Variants in PSPN observed in about 807,000 individuals in gnomAD.
PSPN encodes persephin.
A neutral mutation model predicts 9.4 loss-of-function variants in PSPN; 12 were observed. The observed-to-expected ratio is 1.28, with a 90% confidence interval of 0.82 to 2.07. The LOEUF is 2.07. Ranked by LOEUF, PSPN falls within the 30% of genes most tolerant of loss-of-function variation. PSPN has a pLI of 0.00. For missense variants in PSPN, 229 were observed against 227.4 expected (o/e 1.01, Z -0.05); for synonymous variants, 115 against 106.4 (o/e 1.08, Z -0.50).
chr19:6,375,807 A>T lies in PSPN; in HGVS notation c.43T>A (p.Ser15Thr). 1 of 1,613,980 alleles carries T rather than the reference A, an allele frequency of 6.2e-7. No individual in the cohort carries two copies. Among genetic ancestry groups the T allele is most frequent in the Non-Finnish European group, 8.5e-7 (1 of 1,179,962 alleles). The part of the protein sequence containing the change: ...KFLLGSLLLL[S>T]LQLGQGWGPD... ...CCCCAGCCCTGTCCCAGCTGCAGGG[A>T]CAGGAGCAGCAGGGAGCCCAGCAGG... Residue 15 changes from serine to threonine, a missense_variant, in exon 1 of 2, where the codon TCC (serine) becomes ACC (threonine). By Grantham distance (58) the Ser-to-Thr change is moderately conservative. Coordinates refer to ENST00000245810, the MANE Select transcript of PSPN (RefSeq NM_004158.5).
rs1361569052 is a variant in PSPN, at chr19:6,375,870, AGT to A, written c.-23_-22del. ...GCCATTGTGACGGGCAGGTCCTGAG[AGT>A]GGGAGCTGTGCCCCAAATTTATGCC... is the stretch of plus-strand genomic sequence containing the variant. On this transcript the variant is annotated 5_prime_UTR_variant, in exon 1 of 2. Coordinates refer to ENST00000245810, the MANE Select transcript of PSPN (RefSeq NM_004158.5). 3 of 1,613,888 alleles carry A rather than the reference AGT, an allele frequency of 1.9e-6. No individual in the cohort carries two copies. Among genetic ancestry groups the A allele is most frequent in the South Asian group, 1.1e-5 (1 of 91,078 alleles).
Position 6,375,185 on chromosome 19 carries a change from G to A in PSPN, c.*109C>T. ...GTGTCCTTTATTGCACTCACTGCTG[G>A]TCGCCCCAGCCCACTCCCCTCCTCG... On this transcript the variant is annotated 3_prime_UTR_variant, in exon 2 of 2. Coordinates refer to ENST00000245810, the MANE Select transcript of PSPN (RefSeq NM_004158.5). The A allele has an allele frequency of 1.5e-6, 2 of 1,317,700 alleles. No individual in the cohort carries two copies. Among genetic ancestry groups the A allele is most frequent in the Non-Finnish European group, 2.0e-6 (2 of 1,007,120 alleles). 81.6% of individuals were successfully genotyped at this position (1,317,700 alleles called of 1,614,324 possible).
rs758421227 is a variant in PSPN, at chr19:6,375,888, A to G, written c.-39T>C. The G allele has an allele frequency of 2.7e-5, 44 of 1,613,144 alleles. No homozygotes were observed. Among genetic ancestry groups the G allele is most frequent in the African/African-American group, 4.0e-5 (3 of 74,822 alleles). ...TCCTGAGAGTGGGAGCTGTGCCCCA[A>G]ATTTATGCCCTGCCTGGGCTGGGAG... On this transcript the variant is annotated 5_prime_UTR_variant, in exon 1 of 2. Transcript: ENST00000245810.
Position 6,375,713 on chromosome 19 carries a change from C to T in PSPN, c.137G>A (p.Gly46Glu), listed in dbSNP as rs1243931432. Residue 46 changes from glycine to glutamate, a missense_variant, in exon 1 of 2, where the codon GGG (glycine) becomes GAG (glutamate). By Grantham distance (98) the Gly-to-Glu change is moderately conservative. Coordinates refer to ENST00000245810, the MANE Select transcript of PSPN (RefSeq NM_004158.5). ...FSSEQVAKAG[G>E]TWLGTHRPLA... ...CTGGAAGTCCTTACCCAGCCAGGTC[C>T]CTCCAGCCTTTGCCACCTGTTCAGA... 2 of 1,613,864 alleles carry T rather than the reference C, an allele frequency of 1.2e-6. No homozygotes were observed. The highest frequency in any genetic ancestry group is 1.1e-5 in the South Asian group (1 of 91,030).
At position 6,375,813 on chromosome 19, in the gene PSPN, G is replaced by A. The variant is rs1245343095; in HGVS notation, c.37C>T (p.Leu13Phe). 1.9e-6 allele frequency: 3 copies of A among 1,613,984 alleles called. No homozygotes were observed. The highest frequency in any genetic ancestry group is 2.5e-6 in the Non-Finnish European group (3 of 1,180,006). The stretch of plus-strand genomic sequence containing the variant: ...CCCTGTCCCAGCTGCAGGGACAGGA[G>A]CAGCAGGGAGCCCAGCAGGAACTTC... ...VGKFLLGSLL[L>F]LSLQLGQGWG... Residue 13 changes from leucine (L) to phenylalanine (F), a missense_variant, in exon 1 of 2, where the codon CTC (leucine) becomes TTC (phenylalanine). Physicochemically the swap from Leu to Phe is conservative, Grantham distance 22. Coordinates refer to ENST00000245810, the MANE Select transcript of PSPN (RefSeq NM_004158.5).
chr19:6,375,209 C>T lies in PSPN; in HGVS notation c.*85G>A, dbSNP rs958345376. 76 of 1,361,864 alleles carry T rather than the reference C, an allele frequency of 5.6e-5. 1 individual carries two copies. In the South Asian group the frequency reaches 7.0e-4, roughly 13 times the overall value. The allele number at this position is 1,361,864 out of a possible 1,614,324, so 84.4% of individuals were successfully genotyped here. On this transcript the variant is annotated 3_prime_UTR_variant, in exon 2 of 2. Coordinates refer to ENST00000245810, the MANE Select transcript of PSPN (RefSeq NM_004158.5). Reference sequence around the variant, plus strand: ...GGTCGCCCCAGCCCACTCCCCTCCTCGTTGTCTCTGCATCCAGGTCTCCAA... The same window carrying T: ...GGTCGCCCCAGCCCACTCCCCTCCTTGTTGTCTCTGCATCCAGGTCTCCAA...
chr19:6,375,605 G>T lies in PSPN; in HGVS notation c.160C>A (p.Pro54Thr). ...AGGGCTCGGCGCAGGCGGGCAAGGG[G>T]GCGGTGGGTGCCTGTGGGAGGGAAG... ...AGGTWLGTHR[P>T]LARLRRALSG... is the part of the protein sequence containing the mutation. Residue 54 changes from proline (P) to threonine (T), a missense_variant, in exon 2 of 2, where the codon CCC becomes ACC. By Grantham distance (38) the Pro-to-Thr change is conservative. Transcript: ENST00000245810. The T allele has an allele frequency of 6.3e-7, 1 of 1,585,242 alleles. No homozygotes were observed. Among genetic ancestry groups the T allele is most frequent in the South Asian group, 1.1e-5 (1 of 87,914 alleles).
Position 6,375,328 on chromosome 19 carries a change from TG to T in PSPN, c.436del (p.Gln146SerfsTer51). On this transcript the variant is annotated frameshift_variant, in exon 2 of 2. Coordinates refer to ENST00000245810, the MANE Select transcript of PSPN (RefSeq NM_004158.5). LOFTEE classifies it high-confidence loss of function. ...ACAGCCGCAGGCAGCCGCCGAGAGC[TG>T]GGGCAGCCGCTGCCAGCGGTGGCGG... is the stretch of plus-strand genomic sequence containing the variant. ...DDRHRWQRLP[Q>X]LSAAACGCGG 6.9e-7 allele frequency: 1 copy of T among 1,441,826 alleles called. No homozygotes were observed. The highest frequency in any genetic ancestry group is 3.0e-5 in the Admixed American group (1 of 32,894). The allele number at this position is 1,441,826 out of a possible 1,614,324, so 89.3% of individuals were successfully genotyped here.
At position 6,375,410 on chromosome 19, in the gene PSPN, G is replaced by A; in HGVS notation, c.355C>T (p.His119Tyr). The A allele has an allele frequency of 6.6e-7, 1 of 1,512,396 alleles. No homozygotes were observed. Among genetic ancestry groups the A allele is most frequent in the Non-Finnish European group, 8.8e-7 (1 of 1,134,668 alleles). 93.7% of individuals were successfully genotyped at this position (1,512,396 alleles called of 1,614,324 possible). The change falls in exon 2 of 2, where the codon CAC (histidine) becomes TAC (tyrosine). Residue 119 changes from histidine (H) to tyrosine (Y), a missense_variant. By Grantham distance (83) the His-to-Tyr change is moderately conservative. Coordinates refer to ENST00000245810, the MANE Select transcript of PSPN (RefSeq NM_004158.5). Reference protein sequence around the residue: ...LARLQGQGRAHGGPCCRPTRY... With the variant: ...LARLQGQGRAYGGPCCRPTRY... ...GTGGGCCGGCAGCAGGGCCCGCCGT[G>A]GGCTCGGCCCTGGCCCTGCAGCCGG... is the stretch of plus-strand genomic sequence containing the variant.
At position 6,375,438 on chromosome 19, in the gene PSPN, C is replaced by T. The variant is rs1404142581; in HGVS notation, c.327G>A (p.Leu109=). Residue 109 remains leucine, a synonymous_variant, in exon 2 of 2, where the codon CTG becomes CTA. Transcript: ENST00000245810. ...RGARTQHGLA[L]ARLQGQGRAH... is the part of the protein sequence containing the mutation. ...CTCGGCCCTGGCCCTGCAGCCGGGCCAGCGCCAGGCCATGCTGGGTGCGGG... is the reference window on the plus strand; with the variant it reads ...CTCGGCCCTGGCCCTGCAGCCGGGCTAGCGCCAGGCCATGCTGGGTGCGGG... 1.9e-6 allele frequency: 3 copies of T among 1,543,904 alleles called. No individual in the cohort carries two copies. The highest frequency in any genetic ancestry group is 2.0e-5 in the Admixed American group (1 of 50,138).
rs1404689837 is a variant in PSPN, at chr19:6,375,267, A to G, written c.*27T>C. On this transcript the variant is annotated 3_prime_UTR_variant, in exon 2 of 2. Transcript: ENST00000245810. ...GTCAGCCGAGCTCCCCCAGCACTGC[A>G]GCTTCTGGGTGCCAGGCCGGGCACC... The G allele has an allele frequency of 5.0e-6, 7 of 1,402,010 alleles. No individual in the cohort carries two copies. The East Asian group carries it at 2.0e-4, about 40-fold the overall frequency. 86.8% of individuals were successfully genotyped at this position (1,402,010 alleles called of 1,614,324 possible).
In PSPN at chr19:6,375,829, C is replaced by G. The variant is rs2091920081; in HGVS notation, c.21G>C (p.Leu7=). 3 of 1,614,094 alleles carry G rather than the reference C, an allele frequency of 1.9e-6. No homozygotes were observed. The highest frequency in any genetic ancestry group is 2.5e-6 in the Non-Finnish European group (3 of 1,180,008). The change falls in exon 1 of 2, where the codon CTG becomes CTC. Residue 7 remains leucine, a synonymous_variant. Coordinates refer to ENST00000245810, the MANE Select transcript of PSPN (RefSeq NM_004158.5). MAVGKF[L]LGSLLLLSLQ... ...GGGACAGGAGCAGCAGGGAGCCCAG[C>G]AGGAACTTCCCTACGGCCATTGTGA...
At position 6,375,302 on chromosome 19, in the gene PSPN, C is replaced by G; in HGVS notation, c.463G>C (p.Gly155Arg). 1 of 1,416,718 alleles carries G rather than the reference C, an allele frequency of 7.1e-7. No individual in the cohort carries two copies. The highest frequency in any genetic ancestry group is 9.1e-7 in the Non-Finnish European group (1 of 1,096,602). The allele number at this position is 1,416,718 out of a possible 1,614,324, so 87.8% of individuals were successfully genotyped here. A position where few individuals can be genotyped will look rare whatever the true frequency, so the allele number is the denominator to read the frequency against. Reference sequence around the variant, plus strand: ...TGCCAGGCCGGGCACCCTCAGCCACCACAGCCGCAGGCAGCCGCCGAGAGC... The same window carrying G: ...TGCCAGGCCGGGCACCCTCAGCCACGACAGCCGCAGGCAGCCGCCGAGAGC... The part of the protein sequence containing the change: ...PQLSAAACGC[G>R]G Residue 155 changes from glycine to arginine, a missense_variant, in exon 2 of 2, where the codon GGT becomes CGT. Gly to Arg is a moderately radical substitution (Grantham distance 125). Transcript: ENST00000245810.
At position 6,375,684 on chromosome 19, in the gene PSPN, G is replaced by T. The variant is rs758562470; in HGVS notation, c.148+18C>A. ...GGGGAAAGTTGGGAAGTCACAGAGG[G>T]TCCCTGGAAGTCCTTACCCAGCCAG... On this transcript the variant is annotated intron_variant, in intron 1 of 1. Transcript: ENST00000245810. The T allele has an allele frequency of 5.0e-6, 8 of 1,611,812 alleles. No individual in the cohort carries two copies. In the African/African-American group the frequency reaches 9.4e-5, roughly 19 times the overall value.
In PSPN at chr19:6,375,405, G is replaced by A. The variant is rs981217236; in HGVS notation, c.360C>T (p.Gly120=). 12 of 1,503,308 alleles carry A rather than the reference G, an allele frequency of 8.0e-6. No homozygotes were observed. Among genetic ancestry groups the A allele is most frequent in the East Asian group, 7.6e-5 (3 of 39,388 alleles). 93.1% of individuals were successfully genotyped at this position (1,503,308 alleles called of 1,614,324 possible). Residue 120 remains glycine, a synonymous_variant, in exon 2 of 2, where the codon GGC becomes GGT. Transcript: ENST00000245810. ...ARLQGQGRAH[G]GPCCRPTRYT... Reference sequence around the variant, plus strand: ...AGCGAGTGGGCCGGCAGCAGGGCCCGCCGTGGGCTCGGCCCTGGCCCTGCA... The same window carrying A: ...AGCGAGTGGGCCGGCAGCAGGGCCCACCGTGGGCTCGGCCCTGGCCCTGCA...
Position 6,375,570 on chromosome 19 carries a change from T to C in PSPN, c.195A>G (p.Pro65=). Residue 65 remains proline, a synonymous_variant, in exon 2 of 2, where the codon CCA becomes CCG. Transcript: ENST00000245810. ...ACAGGGTCAGGCTCCACAGCTGGCATGGACCAGACAGGGCTCGGCGCAGGC... is the reference window on the plus strand; with the variant it reads ...ACAGGGTCAGGCTCCACAGCTGGCACGGACCAGACAGGGCTCGGCGCAGGC... The part of the protein sequence containing the change: ...LARLRRALSG[P]CQLWSLTLSV... 2 of 1,581,840 alleles carry C rather than the reference T, an allele frequency of 1.3e-6. No homozygotes were observed. The highest frequency in any genetic ancestry group is 1.7e-6 in the Non-Finnish European group (2 of 1,163,840).
At position 6,375,402 on chromosome 19, in the gene PSPN, C is replaced by A; in HGVS notation, c.363G>T (p.Gly121=). 4.0e-6 allele frequency: 6 copies of A among 1,495,616 alleles called. No individual in the cohort carries two copies. Among genetic ancestry groups the A allele is most frequent in the Non-Finnish European group, 4.4e-6 (5 of 1,128,816 alleles). The allele number at this position is 1,495,616 out of a possible 1,614,324, so 92.6% of individuals were successfully genotyped here. A position where few individuals can be genotyped will look rare whatever the true frequency, so the allele number is the denominator to read the frequency against. The change falls in exon 2 of 2, where the codon GGG becomes GGT. Residue 121 remains glycine, a synonymous_variant. Transcript: ENST00000245810. ...RLQGQGRAHG[G]PCCRPTRYTD... is the part of the protein sequence containing the mutation. The stretch of plus-strand genomic sequence containing the variant: ...TGTAGCGAGTGGGCCGGCAGCAGGG[C>A]CCGCCGTGGGCTCGGCCCTGGCCCT...
Position 6,375,321 on chromosome 19 carries a change from CGAGAGCTGGGGCAGCCGCT to C in PSPN, c.425_443del (p.Gln142ArgfsTer49), listed in dbSNP as rs2145064714. On this transcript the variant is annotated frameshift_variant, in exon 2 of 2. Coordinates refer to ENST00000245810, the MANE Select transcript of PSPN (RefSeq NM_004158.5). LOFTEE classifies it high-confidence loss of function. ...AGCCACCACAGCCGCAGGCAGCCGC[CGAGAGCTGGGGCAGCCGCT>C]GCCAGCGGTGGCGGTCATCGAGGAA... is the stretch of plus-strand genomic sequence containing the variant. The C allele has an allele frequency of 7.0e-7, 1 of 1,432,532 alleles. No individual in the cohort carries two copies. Among genetic ancestry groups the C allele is most frequent in the Non-Finnish European group, 9.1e-7 (1 of 1,104,738 alleles). The allele number at this position is 1,432,532 out of a possible 1,614,324, so 88.7% of individuals were successfully genotyped here. A position where few individuals can be genotyped will look rare whatever the true frequency, so the allele number is the denominator to read the frequency against.
chr19:6,375,647 A>G, intron 1 of PSPN, 31 bp from the exon 2 acceptor site: 2 of 1,602,812 alleles, frequency 1.2e-6, no homozygotes, highest in Non-Finnish European at 1.7e-6. Context: ...GACAGTGAGC[A>G]GGGTCAGGGC....
Sources: allele counts gnomAD v4.1 joint callset, GRCh38; gene constraint gnomAD v4.1.1; transcripts MANE v1.5; gene names NCBI Gene and HGNC (gene_info 2026-07-23, HGNC 2026-07-21).